EHMT1: variants seen among roughly 807,000 people sequenced by gnomAD.
EHMT1 encodes the protein histone-lysine N-methyltransferase EHMT1.
A neutral mutation model predicts 147.2 loss-of-function variants in EHMT1; 15 were observed. The ratio of observed to expected loss-of-function variants is 0.10; its 90% CI spans 0.07 to 0.16. The LOEUF (loss-of-function observed/expected upper bound fraction) is 0.16, where lower values mean the gene tolerates loss of function less well. EHMT1 is among the 10% of genes least tolerant of loss of function. The probability of loss-of-function intolerance (pLI) is 1.00; values close to 1 mark genes in which losing one functional copy is unlikely to be tolerated. For missense variants in EHMT1, 1,587 were observed against 1,772.4 expected, an observed-to-expected ratio of 0.90 and a Z score of 1.88; for synonymous variants, 795 against 709.6, an observed-to-expected ratio of 1.12 and a Z score of -1.91.
At chr9:137,799,945 G>A (rs138644310) in intron 17 of EHMT1, among the ~76,000 whole-genome samples, 2 of 152,362 alleles carry the variant, frequency 1.3e-5, no homozygotes, top group Non-Finnish European at 2.9e-5. Context: ...CCAGGAGGCT[G>A]CGCTCTGCTG....
chr9:137,763,114 T>A, intron 10 of EHMT1: 1 of 592,948 alleles, frequency 1.7e-6, no homozygotes, highest in South Asian at 2.0e-5. Flanking sequence ...TTTTCCTACC[T>A]TGCTATAAAC....
chr9:137,767,412 C>T (rs1038976688), intron 10 of EHMT1, among the ~76,000 whole-genome samples: 1 of 152,170 alleles, frequency 6.6e-6, no homozygotes, highest in African/African-American at 2.4e-5. Flanking sequence ...GGTTACAATA[C>T]AGGTTGAGTA....
At position 137,798,886 on chromosome 9, in the gene EHMT1, C is replaced by T. The variant is rs757282956; in HGVS notation, c.2579C>T (p.Ser860Leu). The T allele has an allele frequency of 6.2e-6, 10 of 1,614,046 alleles. No homozygotes were observed. The African/African-American group carries it at 1.2e-4, about 19-fold the overall frequency. ...GHYEVVQYLL[S>L]NGQMDVNCQD... Reference sequence around the variant, plus strand: ...TACGAAGTGGTCCAGTACCTGCTTTCAAATGGACAGATGGACGTCAACTGT... The same window carrying T: ...TACGAAGTGGTCCAGTACCTGCTTTTAAATGGACAGATGGACGTCAACTGT... Residue 860 changes from serine to leucine, a missense_variant, in exon 17 of 27, where the codon TCA (serine) becomes TTA (leucine). Physicochemically the swap from Ser to Leu is moderately radical, Grantham distance 145. This residue lies in a region of EHMT1 where 201 missense variants were observed against 350.1 expected (regional missense o/e 0.57). Coordinates refer to ENST00000460843, the MANE Select transcript of EHMT1 (RefSeq NM_024757.5).
At chr9:137,800,652 G>C in intron 17 of EHMT1, 1 of 580,514 alleles carries the variant, frequency 1.7e-6, no homozygotes, top group Non-Finnish European at 3.1e-6. Context: ...AGGGTTGTTG[G>C]GCCTGGGCCA....
chr9:137,814,491 C>T lies in EHMT1; in HGVS notation c.3241C>T (p.Arg1081Cys), dbSNP rs779839306. ...CTGCATGTGCGGCCAGCTCAGCATG[C>T]GCTGCTGGTACGACAAGGTGAGGGC... is the stretch of plus-strand genomic sequence containing the variant. ...SNCMCGQLSM[R>C]CWYDKDGRLL... The change falls in exon 22 of 27, where the codon CGC (arginine) becomes TGC (cysteine). Residue 1081 changes from arginine (R) to cysteine (C), a missense_variant. Around this residue, in one of 7 missense-constraint regions of EHMT1, gnomAD observed 156 missense variants for 252.5 expected, o/e 0.62. Coordinates refer to ENST00000460843, the MANE Select transcript of EHMT1 (RefSeq NM_024757.5). 21 of 1,607,588 alleles carry T rather than the reference C, an allele frequency of 1.3e-5. No individual in the cohort carries two copies. Among genetic ancestry groups the T allele is most frequent in the African/African-American group, 8.0e-5 (6 of 74,942 alleles).
In EHMT1 at chr9:137,716,842, C is replaced by T. The variant is rs1085307748; in HGVS notation, c.302C>T (p.Ser101Leu). 6.2e-7 allele frequency: 1 copy of T among 1,613,304 alleles called. No homozygotes were observed. Among genetic ancestry groups the T allele is most frequent in the South Asian group, 1.1e-5 (1 of 91,078 alleles). The change falls in exon 3 of 27, where the codon TCA becomes TTA. Residue 101 changes from serine (S) to leucine (L), a missense_variant. Physicochemically the swap from Ser to Leu is moderately radical, Grantham distance 145 (BLOSUM62 -2). Transcript: ENST00000460843. ...GAAAATGGGGTTTCAGAAAGAGACTCAGAAGCGGCGAAGCAAAACCACGTC... is the reference window on the plus strand; with the variant it reads ...GAAAATGGGGTTTCAGAAAGAGACTTAGAAGCGGCGAAGCAAAACCACGTC... ...IAENGVSERD[S>L]EAAKQNHVTA...
intron 15 of EHMT1, chr9:137,789,116 G>A (rs1952278758): frequency 6.6e-6 from 1 of 152,432 alleles, no homozygotes; most frequent in Admixed American, 6.5e-5. Flanking sequence ...TGGGCGCGGT[G>A]TGGGTCTGAG....
At chr9:137,656,173 A>C (rs1030589931) in intron 1 of EHMT1, among the ~76,000 whole-genome samples, 1 of 152,174 alleles carries the variant, frequency 6.6e-6, no homozygotes, top group African/African-American at 2.4e-5. Flanking sequence ...TGAGGTCAGG[A>C]GTTAGAGACC....
intron 3 of EHMT1, among the ~76,000 whole-genome samples, chr9:137,722,643 G>A (rs1425289904): frequency 9.9e-5 from 15 of 151,182 alleles, no homozygotes; most frequent in Admixed American, 3.3e-4. Context: ...TGGGCCCCAC[G>A]GAGGTGGTGC....
chr9:137,759,788 G>A (rs1272247869), intron 9 of EHMT1, among the ~76,000 whole-genome samples: 1 of 152,214 alleles, frequency 6.6e-6, no homozygotes, highest in Non-Finnish European at 1.5e-5. Context: ...GACCCCAGAG[G>A]GAGGCAGTGG....
chr9:137,816,471 T>TACA, intron 23 of EHMT1: 19 of 326,928 alleles, frequency 5.8e-5, no homozygotes, highest in Admixed American at 8.7e-5. Context: ...TGAGGTGATG[T>TACA]CCCAACGCTT....
rs767390279 is a variant in EHMT1 at position 137,716,929 on chromosome 9, C to T, written c.389C>T (p.Pro130Leu). ...IGSNGYILNK[P>L]ALQAQPLRTT... ...AGCAACGGATACATCTTAAATAAGC[C>T]GGCCCTACAGGCACAGCCCTTGAGG... is the stretch of plus-strand genomic sequence containing the variant. The change falls in exon 3 of 27, where the codon CCG (proline) becomes CTG (leucine). Residue 130 changes from proline to leucine, a missense_variant. Physicochemically the swap from Pro to Leu is moderately conservative, Grantham distance 98 (BLOSUM62 -3). Around this residue, in one of 7 missense-constraint regions of EHMT1, gnomAD observed 810 missense variants for 673.0 expected, o/e 1.20. Transcript: ENST00000460843. 6.2e-6 allele frequency: 10 copies of T among 1,612,966 alleles called. No homozygotes were observed. Among genetic ancestry groups the T allele is most frequent in the East Asian group, 2.2e-5 (1 of 44,878 alleles).
chr9:137,701,288 T>C (rs1449346148), intron 1 of EHMT1, among the ~76,000 whole-genome samples: 1 of 145,612 alleles, frequency 6.9e-6, no homozygotes, highest in Non-Finnish European at 1.5e-5. Context: ...TTTTTTTTTC[T>C]CTTGTTTTTT....
intron 1 of EHMT1, among the ~76,000 whole-genome samples, chr9:137,627,373 T>C (rs11137156): frequency 0.26 from 39,516 of 150,398 alleles, 6,925 homozygotes; most frequent in African/African-American, 0.49. Context: ...AACGATTCTC[T>C]TACCTCAGCC....
At chr9:137,673,966 T>TGGGG (rs1330616131) in intron 1 of EHMT1, among the ~76,000 whole-genome samples, 1 of 152,110 alleles carries the variant, frequency 6.6e-6, no homozygotes, top group African/African-American at 2.4e-5. Context: ...AGGCCTTGAT[T>TGGGG]GGGGGCAGGA....
chr9:137,822,886 C>T (rs925541309), intron 25 of EHMT1, among the ~76,000 whole-genome samples: 1 of 142,788 alleles, frequency 7.0e-6, no homozygotes, highest in Non-Finnish European at 1.5e-5. Flanking sequence ...AAGAGCAAAA[C>T]TTCATCTCGA....
At chr9:137,644,649 G>A (rs1371574146) in intron 1 of EHMT1, among the ~76,000 whole-genome samples, 1 of 152,038 alleles carries the variant, frequency 6.6e-6, no homozygotes, top group Non-Finnish European at 1.5e-5. Context: ...TACTTTTTAT[G>A]AGTTATGTAT....
chr9:137,816,438 TG>T, intron 23 of EHMT1: 1 of 349,178 alleles, frequency 2.9e-6, no homozygotes, highest in South Asian at 2.2e-5. Context: ...AAATATTCTC[TG>T]TTCTCTGGGC....
intron 16 of EHMT1, among the ~76,000 whole-genome samples, chr9:137,797,325 A>C (rs993789863): frequency 6.6e-6 from 1 of 152,034 alleles, no homozygotes; most frequent in Non-Finnish European, 1.5e-5. Flanking sequence ...GCTGACTCTC[A>C]ATCCCCTCAC....
Sources: gnomAD v4.1 joint callset for allele counts (sites outside exome capture counted in the v4.1 genomes callset) on GRCh38, gnomAD v4.1.1 for gene constraint, gnomAD v4.1.1 regional missense constraint, MANE v1.5 for transcripts, NCBI Gene and HGNC (gene_info 2026-07-23, HGNC 2026-07-21) for gene names.